KCNAB1: variants seen among roughly 807,000 people sequenced by gnomAD.
KCNAB1 encodes voltage-gated potassium channel subunit beta-1.
A neutral mutation model predicts 64.6 loss-of-function variants in KCNAB1; 35 were observed. The ratio of observed to expected loss-of-function variants is 0.54; its 90% CI spans 0.41 to 0.72. The LOEUF is 0.72. Among genes scored for constraint, KCNAB1 ranks in the 30% least tolerant of loss-of-function variants. The pLI is 0.00. For synonymous variants in KCNAB1, 177 were observed against 183.8 expected, an observed-to-expected ratio of 0.96 and a Z score of 0.30; for missense variants, 401 against 512.9, an observed-to-expected ratio of 0.78 and a Z score of 2.11.
In KCNAB1 at chr3:156,285,066, A is replaced by G. The variant is rs113220616; in HGVS notation, c.276-136550A>G. 1.2e-3 allele frequency among the ~76,000 whole-genome samples: 181 copies of G among 152,348 alleles called. 2 individuals carry two copies. In the South Asian group the frequency reaches 0.015, roughly 13 times the overall value. On this transcript the variant is annotated intron_variant, in intron 1 of 13. Transcript: ENST00000490337. The stretch of plus-strand genomic sequence containing the variant: ...TACAAGAGTGAAACTGGAGGGAGGC[A>G]GCGTGAGTTTAAAAAGATTCTTTTG...
chr3:156,438,497 G>T (rs987413489), intron 2 of KCNAB1, among the ~76,000 whole-genome samples: 11 of 152,200 alleles, frequency 7.2e-5, no homozygotes, highest in African/African-American at 2.7e-4. Context: ...CAGGTATGTG[G>T]TTAGAATTGA....
chr3:156,483,605 A>G (rs1438085304), intron 8 of KCNAB1, among the ~76,000 whole-genome samples: 1 of 151,914 alleles, frequency 6.6e-6, no homozygotes, highest in Admixed American at 6.6e-5. Context: ...TTGCATCTCC[A>G]CCCAGTTTCA....
At chr3:156,421,368 T>C (rs761020697) in intron 1 of KCNAB1, among the ~76,000 whole-genome samples, 3 of 152,114 alleles carry the variant, frequency 2.0e-5, no homozygotes, top group Non-Finnish European at 2.9e-5. Context: ...AAGAAGACAA[T>C]ATGAGACTGA....
chr3:156,369,030 C>G (rs974832101), intron 1 of KCNAB1, among the ~76,000 whole-genome samples: 1 of 152,172 alleles, frequency 6.6e-6, no homozygotes, highest in Non-Finnish European at 1.5e-5. Flanking sequence ...CTCATGTAAC[C>G]ACAGGCAGGT....
At chr3:156,301,877 T>C (rs945465938) in intron 1 of KCNAB1, among the ~76,000 whole-genome samples, 1 of 152,122 alleles carries the variant, frequency 6.6e-6, no homozygotes, top group African/African-American at 2.4e-5. Context: ...TAAAAGGGGG[T>C]ACAGCAAGTA....
chr3:156,212,475 G>A (rs1488928413), intron 1 of KCNAB1, among the ~76,000 whole-genome samples: 2 of 152,202 alleles, frequency 1.3e-5, no homozygotes, highest in Non-Finnish European at 2.9e-5. Flanking sequence ...CTGTGGGCCA[G>A]GCTTTAGAGA....
At chr3:156,118,503 C>T (rs1713176408), upstream of KCNAB1, among the ~76,000 whole-genome samples, 1 of 152,192 alleles carries the variant, frequency 6.6e-6, no homozygotes, top group Non-Finnish European at 1.5e-5. Flanking sequence ...ACAGGCCCCA[C>T]CTCTCAATGA....
At chr3:156,260,023 A>G (rs1718335736) in intron 1 of KCNAB1, among the ~76,000 whole-genome samples, 1 of 152,150 alleles carries the variant, frequency 6.6e-6, no homozygotes, top group African/African-American at 2.4e-5. Context: ...CTTGTAATGC[A>G]GGATACTCAG....
At chr3:156,460,012 G>C in intron 5 of KCNAB1, 141 bp downstream of exon 5, 1 of 562,494 alleles carries the variant, frequency 1.8e-6, no homozygotes, top group Non-Finnish European at 3.1e-6. Context: ...ATAGTGGCTT[G>C]AAAATAAATG....
Position 156,514,347 on chromosome 3 carries a change from T to G in KCNAB1, c.659-17T>G. 1.2e-6 allele frequency: 2 copies of G among 1,605,690 alleles called. No individual in the cohort carries two copies. Among genetic ancestry groups the G allele is most frequent in the South Asian group, 1.1e-5 (1 of 90,890 alleles). On this transcript the variant is annotated splice_polypyrimidine_tract_variant and intron_variant, in intron 8 of 13. Transcript: ENST00000490337. ...GTAGACAAATTCATGAAATGCTGTC[T>G]GTTTGACCTTCCACAGAAATTGTCC...
intron 1 of KCNAB1, among the ~76,000 whole-genome samples, chr3:156,234,319 G>A (rs777936042): frequency 7.2e-5 from 11 of 152,134 alleles, no homozygotes; most frequent in Non-Finnish European, 1.6e-4. Flanking sequence ...AGACCCTGTA[G>A]AGAAAGGAAA....
intron 1 of KCNAB1, among the ~76,000 whole-genome samples, chr3:156,314,140 G>A (rs1722117262): frequency 6.6e-6 from 1 of 152,238 alleles, no homozygotes. Flanking sequence ...ACTTTCCTTT[G>A]ATTCATTCAA....
At chr3:156,324,144 G>A (rs369512067) in intron 1 of KCNAB1, among the ~76,000 whole-genome samples, 1 of 152,066 alleles carries the variant, frequency 6.6e-6, no homozygotes, top group Non-Finnish European at 1.5e-5. Flanking sequence ...GATCAGAAAT[G>A]TGAGTCTGAA....
chr3:156,237,448 C>CT (rs963888447), intron 1 of KCNAB1, among the ~76,000 whole-genome samples: 150 of 146,632 alleles, frequency 1.0e-3, no homozygotes, highest in South Asian at 5.0e-3. Flanking sequence ...TTAAAGTTGC[C>CT]TTTTTTTTTT....
intron 8 of KCNAB1, among the ~76,000 whole-genome samples, chr3:156,493,330 A>G (rs1715770138): frequency 6.6e-6 from 1 of 152,092 alleles, no homozygotes; most frequent in Non-Finnish European, 1.5e-5. Flanking sequence ...AAATATTACT[A>G]TTTCTATTTT....
intron 1 of KCNAB1, among the ~76,000 whole-genome samples, chr3:156,383,841 C>T (rs1022410108): frequency 6.6e-6 from 1 of 152,184 alleles, no homozygotes; most frequent in African/African-American, 2.4e-5. Context: ...CAGCGTTTTT[C>T]GCCCCTGAGC....
At chr3:156,339,486 T>C (rs1723951844) in intron 1 of KCNAB1, among the ~76,000 whole-genome samples, 1 of 152,174 alleles carries the variant, frequency 6.6e-6, no homozygotes, top group Non-Finnish European at 1.5e-5. Flanking sequence ...AGAAGTGAAG[T>C]GGTCTGTCCA....
intron 7 of KCNAB1, among the ~76,000 whole-genome samples, chr3:156,469,259 T>G (rs1220986885): frequency 7.4e-6 from 1 of 134,658 alleles, no homozygotes; most frequent in Admixed American, 7.4e-5. Flanking sequence ...TTTTTTTTTT[T>G]TTTTTTTTTT....
At chr3:156,530,382 T>C (rs1025612190) in intron 12 of KCNAB1, among the ~76,000 whole-genome samples, 4 of 152,100 alleles carry the variant, frequency 2.6e-5, no homozygotes, top group Non-Finnish European at 5.9e-5. Flanking sequence ...AGGGACTTGA[T>C]TTTCTATAGA....
Sources: gnomAD v4.1 joint callset for allele counts (sites outside exome capture counted in the v4.1 genomes callset) on GRCh38, gnomAD v4.1.1 for gene constraint, MANE v1.5 for transcripts, NCBI Gene and HGNC (gene_info 2026-07-23, HGNC 2026-07-21) for gene names.